The following SYNJ1 variants were observed in gnomAD, a reference collection of about 807,000 sequenced individuals.
SYNJ1 encodes the protein polyphosphatidylinositol phosphatase SYNJ1.
A neutral mutation model predicts 168.2 loss-of-function variants in SYNJ1; 78 were observed. The ratio of observed to expected loss-of-function variants is 0.46; its 90% CI spans 0.39 to 0.56. The LOEUF is 0.56. Ranked by LOEUF, SYNJ1 falls within the 20% of genes least tolerant of loss-of-function variation. The pLI, the probability that SYNJ1 is intolerant of heterozygous loss-of-function variation, is 0.00. For missense variants in SYNJ1, 1,303 were observed against 1,597.6 expected, an observed-to-expected ratio of 0.82 and a Z score of 3.14; for synonymous variants, 539 against 548.6, an observed-to-expected ratio of 0.98 and a Z score of 0.24.
chr21:32,631,914 C>T (rs2039344250), intron 32 of SYNJ1, 113 bp from the exon 33 acceptor site: 1 of 1,003,342 alleles, frequency 1.0e-6, no homozygotes, highest in South Asian at 1.9e-5. Context: ...AATTTAGAAA[C>T]TAAAAAGTAG....
intron 2 of SYNJ1, among the ~76,000 whole-genome samples, chr21:32,724,776 ATTAATATG>A (rs1371687499): frequency 6.6e-6 from 1 of 152,242 alleles, no homozygotes; most frequent in African/African-American, 2.4e-5. Context: ...GCTCTTAAAT[ATTAATATG>A]TTAAGTATTA....
At chr21:32,646,294 G>C in intron 24 of SYNJ1, 99 bp downstream of exon 24, 1 of 1,190,232 alleles carries the variant, frequency 8.4e-7, no homozygotes, top group Non-Finnish European at 1.2e-6. Flanking sequence ...AAAACAGGGT[G>C]CACTTTATCA....
intron 6 of SYNJ1, among the ~76,000 whole-genome samples, chr21:32,689,067 T>C (rs2041931776): frequency 6.6e-6 from 1 of 152,224 alleles, no homozygotes; most frequent in African/African-American, 2.4e-5. Flanking sequence ...TATTGTATAT[T>C]GTTATAATTT....
intron 15 of SYNJ1, 84 bp downstream of exon 15, chr21:32,670,204 C>G: frequency 1.8e-6 from 2 of 1,103,402 alleles, no homozygotes; most frequent in Non-Finnish European, 2.7e-6. Flanking sequence ...TTCAAACTAT[C>G]CTTGTAACAA....
chr21:32,645,116 A>G, intron 25 of SYNJ1, 110 bp from the exon 26 acceptor site: 1 of 1,059,488 alleles, frequency 9.4e-7, no homozygotes, highest in Non-Finnish European at 1.4e-6. Context: ...TGCAGGAATT[A>G]CATATTATCT....
At chr21:32,656,563 C>T (rs1032314042) in intron 21 of SYNJ1, 124 bp downstream of exon 21, 7 of 768,718 alleles carry the variant, frequency 9.1e-6, no homozygotes, top group Admixed American at 8.7e-5. Flanking sequence ...TACTCATATA[C>T]TAAACACTAA....
At chr21:32,674,413 T>G (rs553245422) in intron 13 of SYNJ1, among the ~76,000 whole-genome samples, 1 of 152,362 alleles carries the variant, frequency 6.6e-6, no homozygotes, top group South Asian at 2.1e-4. Flanking sequence ...ATAGCATTTA[T>G]CACATTTATA....
Position 32,646,439 on chromosome 21 carries a change from T to G in SYNJ1, c.3201A>C (p.Arg1067Ser). 1 of 1,614,100 alleles carries G rather than the reference T, an allele frequency of 6.2e-7. No homozygotes were observed. The highest frequency in any genetic ancestry group is 8.5e-7 in the Non-Finnish European group (1 of 1,180,014). Residue 1067 changes from arginine to serine, a missense_variant, in exon 24 of 33, where the codon AGA (arginine) becomes AGC (serine). Arg to Ser is a moderately radical substitution (Grantham distance 110). Coordinates refer to ENST00000674351, the MANE Select transcript of SYNJ1 (RefSeq NM_203446.3). The stretch of plus-strand genomic sequence containing the variant: ...GAGTTCTTGACGGTGCTCGGCTTGG[T>G]CTGATGGGAAGGGAAGGTACAGGAC... ...SEGPVPSLPIRPSRAPSRTPG... is the reference protein window; with the variant it reads ...SEGPVPSLPISPSRAPSRTPG...
intron 6 of SYNJ1, among the ~76,000 whole-genome samples, chr21:32,688,693 C>T (rs1316429482): frequency 6.6e-6 from 1 of 152,102 alleles, no homozygotes; most frequent in Admixed American, 6.6e-5. Flanking sequence ...ACTACATGCC[C>T]TGTGTAACAG....
intron 26 of SYNJ1, 69 bp from the exon 27 acceptor site, chr21:32,643,526 C>A: frequency 6.7e-7 from 1 of 1,492,902 alleles, no homozygotes; most frequent in South Asian, 1.2e-5. Context: ...GGCAGGCACA[C>A]AAGACAATTT....
At chr21:32,686,886 C>A in intron 8 of SYNJ1, 92 bp downstream of exon 8, 3 of 883,324 alleles carry the variant, frequency 3.4e-6, no homozygotes, top group Middle Eastern at 2.7e-4. Context: ...TAATTTACTT[C>A]CTGGAAGAAT....
At chr21:32,710,080 G>A (rs1372859747) in intron 2 of SYNJ1, among the ~76,000 whole-genome samples, 2 of 151,940 alleles carry the variant, frequency 1.3e-5, no homozygotes, top group African/African-American at 4.8e-5. Context: ...GCAGACACCT[G>A]TAATCCCAGC....
At chr21:32,697,788 G>T (rs757238699) in intron 4 of SYNJ1, among the ~76,000 whole-genome samples, 1 of 152,210 alleles carries the variant, frequency 6.6e-6, no homozygotes, top group Non-Finnish European at 1.5e-5. Flanking sequence ...GCGACAGAGT[G>T]ACACTCAAAA....
intron 10 of SYNJ1, among the ~76,000 whole-genome samples, chr21:32,683,627 A>G (rs552638930): frequency 7.9e-5 from 12 of 152,160 alleles, no homozygotes; most frequent in Non-Finnish European, 1.6e-4. Flanking sequence ...ATATAGTCCT[A>G]TATAATTGTA....
At chr21:32,718,561 T>C (rs1045397786) in intron 2 of SYNJ1, among the ~76,000 whole-genome samples, 2 of 151,920 alleles carry the variant, frequency 1.3e-5, no homozygotes, top group Admixed American at 6.6e-5. Flanking sequence ...AAGTCAACTA[T>C]AAAAAGTCAC....
At chr21:32,718,252 T>C (rs558512563) in intron 2 of SYNJ1, among the ~76,000 whole-genome samples, 2 of 152,308 alleles carry the variant, frequency 1.3e-5, no homozygotes, top group South Asian at 2.1e-4. Context: ...TATTTCCTCA[T>C]AGCAAAGTTA....
At chr21:32,657,681 T>TTTAA in intron 19 of SYNJ1, 35 bp downstream of exon 19, 1 of 1,562,718 alleles carries the variant, frequency 6.4e-7, no homozygotes, top group Non-Finnish European at 8.6e-7. Context: ...TAAGTTTACA[T>TTTAA]TAGTTCATTT....
chr21:32,683,903 G>A (rs1300318095), intron 10 of SYNJ1, 135 bp downstream of exon 10: 1 of 698,468 alleles, frequency 1.4e-6, no homozygotes, highest in Non-Finnish European at 2.3e-6. Flanking sequence ...CAAAAAAAGA[G>A]ACAGAGATTA....
At chr21:32,726,488 C>A (rs2043460268) in intron 2 of SYNJ1, among the ~76,000 whole-genome samples, 1 of 152,074 alleles carries the variant, frequency 6.6e-6, no homozygotes, top group Admixed American at 6.6e-5. Flanking sequence ...CAAACTGAAA[C>A]AATATTTCTT....
Sources: gnomAD v4.1 joint callset for allele counts (sites outside exome capture counted in the v4.1 genomes callset) on GRCh38, gnomAD v4.1.1 for gene constraint, MANE v1.5 for transcripts, NCBI Gene and HGNC (gene_info 2026-07-23, HGNC 2026-07-21) for gene names.